The following CAPN14 variants were observed in gnomAD, a reference collection of about 807,000 sequenced individuals.
CAPN14 encodes calpain 14.
A neutral mutation model predicts 101.3 loss-of-function variants in CAPN14; 94 were observed. The observed-to-expected ratio is 0.93, with a 90% CI of 0.79 to 1.10. The LOEUF is 1.10. CAPN14 is among the 50% of genes least tolerant of loss of function. The probability of loss-of-function intolerance (pLI) is 0.00; values close to 1 mark genes in which losing one functional copy is unlikely to be tolerated. For synonymous variants in CAPN14, 338 were observed against 317.9 expected, an observed-to-expected ratio of 1.06 and a Z score of -0.67; for missense variants, 837 against 828.4, an observed-to-expected ratio of 1.01 and a Z score of -0.13.
At chr2:31,201,196 CAT>C (rs1491099903) in intron 5 of CAPN14, among the ~76,000 whole-genome samples, 9 of 130,060 alleles carry the variant, frequency 6.9e-5, no homozygotes, top group East Asian at 4.0e-4. Context: ...TGTGTGTGTG[CAT>C]GTGTGTGTGT....
chr2:31,227,415 C>T (rs551542092), intron 1 of CAPN14, among the ~76,000 whole-genome samples: 14 of 152,288 alleles, frequency 9.2e-5, no homozygotes, highest in Admixed American at 6.5e-4. Flanking sequence ...TCTTCATCTC[C>T]TTTTTGGCTT....
intron 19 of CAPN14, among the ~76,000 whole-genome samples, chr2:31,177,464 C>G (rs1680363036): frequency 6.6e-6 from 1 of 152,116 alleles, no homozygotes; most frequent in African/African-American, 2.4e-5. Flanking sequence ...GAATTTAAAC[C>G]CCAGGCAATT....
upstream of CAPN14, among the ~76,000 whole-genome samples, chr2:31,221,590 T>C (rs1682863743): frequency 6.6e-6 from 1 of 152,198 alleles, no homozygotes; most frequent in Non-Finnish European, 1.5e-5. Flanking sequence ...CCTTCTGACT[T>C]GTAAACTACC....
At chr2:31,181,543 T>G (rs1385736547) in intron 16 of CAPN14, among the ~76,000 whole-genome samples, 2 of 143,106 alleles carry the variant, frequency 1.4e-5, no homozygotes, top group Non-Finnish European at 3.0e-5. Context: ...TTATTATACC[T>G]TAAGTTTTAG....
At chr2:31,186,199 A>G (rs565095892) in intron 16 of CAPN14, among the ~76,000 whole-genome samples, 2 of 152,350 alleles carry the variant, frequency 1.3e-5, no homozygotes, top group South Asian at 2.1e-4. Context: ...TTTCACTGCC[A>G]TGTATGTCTA....
At position 31,193,154 on chromosome 2, in the gene CAPN14, C is replaced by A. The variant is rs761442279; in HGVS notation, c.1091G>T (p.Gly364Val). ...EGRWEKRSTA[G>V]GQRQLLQDTF... ...ACCCTGCAGCAACTGCCTCTGGCCA[C>A]CAGCTGTGCTCCGCTTCTCCCATCT... is the stretch of plus-strand genomic sequence containing the variant. The change falls in exon 10 of 22, where the codon GGT (glycine) becomes GTT (valine). Residue 364 changes from glycine to valine, a missense_variant. Gly to Val is a moderately radical substitution (Grantham distance 109, BLOSUM62 -3). Transcript: ENST00000403897. The A allele has an allele frequency of 5.8e-6, 9 of 1,550,832 alleles. No individual in the cohort carries two copies.
intron 1 of CAPN14, among the ~76,000 whole-genome samples, chr2:31,232,606 G>C (rs1034592309): frequency 1.3e-5 from 2 of 152,184 alleles, no homozygotes; most frequent in African/African-American, 4.8e-5. Flanking sequence ...GGAGAGAGAA[G>C]TATGAGGAAC....
chr2:31,197,258 C>A lies in CAPN14; in HGVS notation c.866G>T (p.Trp289Leu), dbSNP rs746998908. 102 of 1,550,490 alleles carry A rather than the reference C, an allele frequency of 6.6e-5. No individual in the cohort carries two copies. Among genetic ancestry groups the A allele is most frequent in the Middle Eastern group, 3.3e-4 (2 of 6,012 alleles). ...TGTCCCCAAAGTTCACCTGTCACTC[C>A]AGTCTCCTTTCCATTCCACCTTTCC... ...PWGKVEWKGD[W>L]SDSSSKWELL... Residue 289 changes from tryptophan to leucine, a missense_variant, in exon 8 of 22, where the codon TGG becomes TTG. Transcript: ENST00000403897.
intron 5 of CAPN14, among the ~76,000 whole-genome samples, chr2:31,201,304 T>C (rs1681768800): frequency 6.6e-6 from 1 of 152,148 alleles, no homozygotes; most frequent in Non-Finnish European, 1.5e-5. Context: ...CTAGGGTCTG[T>C]AGGTATGAAA....
chr2:31,174,794 G>A (rs931461803), intron 21 of CAPN14, 87 bp from the exon 22 acceptor site: 1 of 1,281,608 alleles, frequency 7.8e-7, no homozygotes, highest in South Asian at 1.3e-5. Context: ...GGGAGCCATG[G>A]AGACAGAACA....
rs1681214817 is a variant in CAPN14, at chr2:31,192,023, C to T, written c.1190G>A (p.Cys397Tyr). ...PEEGRRSLRP[C>Y]SVLVSLLQKP... is the part of the protein sequence containing the mutation. ...CTGGAGCAGGGACACCAGCACGCTG[C>T]AGGGCCTCAGGGATCTCCTGCCCTC... The change falls in exon 11 of 22, where the codon TGC (cysteine) becomes TAC (tyrosine). Residue 397 changes from cysteine to tyrosine, a missense_variant. By Grantham distance (194) the Cys-to-Tyr change is radical. Transcript: ENST00000403897. 6.4e-7 allele frequency: 1 copy of T among 1,551,610 alleles called. No individual in the cohort carries two copies. The highest frequency in any genetic ancestry group is 2.0e-5 in the Admixed American group (1 of 50,998).
At chr2:31,223,262 A>G (rs902152732) in intron 2 of CAPN14, among the ~76,000 whole-genome samples, 1 of 152,246 alleles carries the variant, frequency 6.6e-6, no homozygotes, top group Admixed American at 6.5e-5. Flanking sequence ...GGGCAATACC[A>G]CGGTACTAAA....
chr2:31,207,885 A>G (rs1172305962), intron 1 of CAPN14, among the ~76,000 whole-genome samples: 2 of 152,218 alleles, frequency 1.3e-5, no homozygotes, highest in Non-Finnish European at 2.9e-5. Flanking sequence ...ACTGCCAGTG[A>G]CCAGTTGGTG....
chr2:31,205,709 T>C (rs568487772), intron 1 of CAPN14, among the ~76,000 whole-genome samples: 3 of 152,244 alleles, frequency 2.0e-5, no homozygotes, highest in East Asian at 3.9e-4. Context: ...ATCAGGGATC[T>C]TGTGGCAAAA....
chr2:31,182,244 A>C (rs62143036), intron 16 of CAPN14, among the ~76,000 whole-genome samples: 1,617 of 150,790 alleles, frequency 0.011, 13 homozygotes, highest in Non-Finnish European at 0.018. Flanking sequence ...AATGGGCAAA[A>C]ACTGGAAGCA....
At chr2:31,176,438 G>A in intron 21 of CAPN14, 149 bp downstream of exon 21, 1 of 643,920 alleles carries the variant, frequency 1.6e-6, no homozygotes, top group Non-Finnish European at 2.8e-6. Flanking sequence ...ATGAATGAAT[G>A]AATGAATGAG....
rs1481229082 is a variant in CAPN14 at position 31,181,202 on chromosome 2, G to C, written c.1646-202C>G. 1.8e-4 allele frequency among the ~76,000 whole-genome samples: 27 copies of C among 152,110 alleles called. 1 individual carries two copies. Among genetic ancestry groups the C allele is most frequent in the Admixed American group, 1.8e-3 (27 of 15,276 alleles). ...CCATGGAGAAAGTCAAATGCTATAG[G>C]GGATGCCTGGTACGGCTTGGGTTTG... is the stretch of plus-strand genomic sequence containing the variant. On this transcript the variant is annotated intron_variant, in intron 16 of 21. Transcript: ENST00000403897.
At chr2:31,189,804 C>T (rs1465976) in intron 12 of CAPN14, 103,398 of 471,818 alleles carry the variant, frequency 0.22, 14,272 homozygotes, top group African/African-American at 0.47. Context: ...GAGGCTTAGA[C>T]GGGTTAGGTC....
At chr2:31,233,110 G>A (rs1683243118) in intron 1 of CAPN14, among the ~76,000 whole-genome samples, 1 of 152,180 alleles carries the variant, frequency 6.6e-6, no homozygotes, top group Admixed American at 6.5e-5. Flanking sequence ...CTGCCATGAA[G>A]GTTAAATAAA....
Sources: gnomAD v4.1 joint callset for allele counts (sites outside exome capture counted in the v4.1 genomes callset) on GRCh38, gnomAD v4.1.1 for gene constraint, MANE v1.5 for transcripts, NCBI Gene and HGNC (gene_info 2026-07-23, HGNC 2026-07-21) for gene names.